APOA4: variants seen among roughly 807,000 people sequenced by gnomAD.
APOA4 encodes apolipoprotein A-IV.
Under a neutral mutation model 33.6 loss-of-function variants are expected in APOA4, and 25 were observed. That is an observed-to-expected ratio of 0.74 (90% CI 0.54 to 1.04). APOA4 has a LOEUF of 1.04. APOA4 is among the 50% of genes least tolerant of loss of function. APOA4 has a pLI of 0.00. For missense variants in APOA4, 549 were observed against 510.4 expected, an observed-to-expected ratio of 1.08 and a Z score of -0.73; for synonymous variants, 228 against 224.0, an observed-to-expected ratio of 1.02 and a Z score of -0.16.
Position 116,821,609 on chromosome 11 carries a change from G to T in APOA4, c.449C>A (p.Ala150Asp). 2 of 1,610,240 alleles carry T rather than the reference G, an allele frequency of 1.2e-6. No individual in the cohort carries two copies. Among genetic ancestry groups the T allele is most frequent in the Non-Finnish European group, 1.7e-6 (2 of 1,178,888 alleles). Residue 150 changes from alanine to aspartate, a missense_variant, in exon 3 of 3, where the codon GCC (alanine) becomes GAC (aspartate). Physicochemically the swap from Ala to Asp is moderately radical, Grantham distance 126. Transcript: ENST00000357780. ...DQLRTQVSTQ[A>D]EQLRRQLTPY... ...GGTCAGCTGGCGCCGCAGCTGCTCG[G>T]CCTGCGTGCTGACCTGGGTGCGCAG...
At position 116,823,259 on chromosome 11, in the gene APOA4, GACAGAGAGGTCCTCAGGAGAGCTC is replaced by G; in HGVS notation, c.-92_-69del. ...GATCCTCCCTACAATCAGGGGAGCT[GACAGAGAGGTCCTCAGGAGAGCTC>G]ACCTGCGCTGCAGTGGGAACTGACT... On this transcript the variant is annotated 5_prime_UTR_variant, in exon 1 of 3. Coordinates refer to ENST00000357780, the MANE Select transcript of APOA4 (RefSeq NM_000482.4). 2.5e-6 allele frequency: 4 copies of G among 1,576,140 alleles called. No homozygotes were observed. In the South Asian group the frequency reaches 4.4e-5, roughly 17 times the overall value.
chr11:116,822,540 G>A (rs373540095), intron 2 of APOA4, 119 bp downstream of exon 2: 10 of 1,465,322 alleles, frequency 6.8e-6, no homozygotes, highest in Non-Finnish European at 7.6e-6. Context: ...CGGCCAGTTA[G>A]TGGCAGGGCA....
intron 1 of APOA4, 39 bp from the exon 2 acceptor site, chr11:116,822,824 C>G (rs1283053707): frequency 1.9e-6 from 3 of 1,612,958 alleles, no homozygotes; most frequent in South Asian, 2.2e-5. Flanking sequence ...GGCCCCGTCT[C>G]CTGTGTGGCC....
At chr11:116,821,914 A>C (rs1052655999) in intron 2 of APOA4, 33 bp from the exon 3 acceptor site, 1 of 1,608,810 alleles carries the variant, frequency 6.2e-7, no homozygotes, top group Non-Finnish European at 8.5e-7. Flanking sequence ...GCCACGTTAC[A>C]TTTGGCATTT....
chr11:116,820,975 T>G lies in APOA4; in HGVS notation c.1083A>C (p.Lys361Asn). ...GGGAGAGAGTCTTGTCCTGGCTCTC[T>G]TTCTCCTTGAAGGTGCTGAAGAAGG... ...VNSFFSTFKE[K>N]ESQDKTLSLP... The change falls in exon 3 of 3, where the codon AAA becomes AAC. Residue 361 changes from lysine (K) to asparagine (N), a missense_variant. Physicochemically the swap from Lys to Asn is moderately conservative, Grantham distance 94. Coordinates refer to ENST00000357780, the MANE Select transcript of APOA4 (RefSeq NM_000482.4). 6.2e-7 allele frequency: 1 copy of G among 1,614,214 alleles called. No homozygotes were observed. Among genetic ancestry groups the G allele is most frequent in the Non-Finnish European group, 8.5e-7 (1 of 1,180,038 alleles).
rs1312269421 is a variant in APOA4, at chr11:116,820,830, G to A, written c.*37C>T. ...ACAGACAGGTGGCAGGGCAGGGCAG[G>A]TGTCCACGAGGGTGGGGCCAGTGCA... is the stretch of plus-strand genomic sequence containing the variant. On this transcript the variant is annotated 3_prime_UTR_variant, in exon 3 of 3. Transcript: ENST00000357780. 6.2e-7 allele frequency: 1 copy of A among 1,606,638 alleles called. No individual in the cohort carries two copies. Among genetic ancestry groups the A allele is most frequent in the Non-Finnish European group, 8.5e-7 (1 of 1,176,260 alleles).
At position 116,821,099 on chromosome 11, in the gene APOA4, T is replaced by C; in HGVS notation, c.959A>G (p.Gln320Arg). 6.2e-7 allele frequency: 1 copy of C among 1,614,108 alleles called. No homozygotes were observed. The highest frequency in any genetic ancestry group is 8.5e-7 in the Non-Finnish European group (1 of 1,180,030). ...TTTCTGCCTGAGCTGTTCCATCTGCTGCACCAGGGCTTTGTTGAAGTTTTC... is the reference window on the plus strand; with the variant it reads ...TTTCTGCCTGAGCTGTTCCATCTGCCGCACCAGGGCTTTGTTGAAGTTTTC... ...YGENFNKALV[Q>R]QMEQLRQKLG... The change falls in exon 3 of 3, where the codon CAG becomes CGG. Residue 320 changes from glutamine to arginine, a missense_variant. Gln to Arg is a conservative substitution (Grantham distance 43). Transcript: ENST00000357780.
Position 116,821,564 on chromosome 11 carries a change from T to C in APOA4, c.494A>G (p.Glu165Gly), listed in dbSNP as rs1255436137. ...GTCGGCGTTCTCCCGCAGCACTCTCTCCATGCGCTGTGCGTAGGGGGTCAG... is the reference window on the plus strand; with the variant it reads ...GTCGGCGTTCTCCCGCAGCACTCTCCCCATGCGCTGTGCGTAGGGGGTCAG... ...RQLTPYAQRM[E>G]RVLRENADSL... The change falls in exon 3 of 3, where the codon GAG becomes GGG. Residue 165 changes from glutamate (E) to glycine (G), a missense_variant. Physicochemically the swap from Glu to Gly is moderately conservative, Grantham distance 98. Transcript: ENST00000357780. The C allele has an allele frequency of 6.2e-7, 1 of 1,611,932 alleles. No homozygotes were observed.
Position 116,821,400 on chromosome 11 carries a change from G to A in APOA4, c.658C>T (p.Arg220Cys), listed in dbSNP as rs375764097. 46 of 1,614,178 alleles carry A rather than the reference G, an allele frequency of 2.8e-5. 1 individual carries two copies. Among genetic ancestry groups the A allele is most frequent in the South Asian group, 1.2e-4 (11 of 91,086 alleles). Reference sequence around the variant, plus strand: ...TGAGCATAGGGAGCCAGGCTGCGGCGCAGCTCCTCCACGGTCTGGTCAATC... The same window carrying A: ...TGAGCATAGGGAGCCAGGCTGCGGCACAGCTCCTCCACGGTCTGGTCAATC... ...VKIDQTVEEL[R>C]RSLAPYAQDT... The change falls in exon 3 of 3, where the codon CGC (arginine) becomes TGC (cysteine). Residue 220 changes from arginine (R) to cysteine (C), a missense_variant. By Grantham distance (180) the Arg-to-Cys change is radical. Coordinates refer to ENST00000357780, the MANE Select transcript of APOA4 (RefSeq NM_000482.4).
chr11:116,822,712 A>G lies in APOA4; in HGVS notation c.123T>C (p.Asn41=). 1 of 1,614,174 alleles carries G rather than the reference A, an allele frequency of 6.2e-7. No individual in the cohort carries two copies. The highest frequency in any genetic ancestry group is 8.5e-7 in the Non-Finnish European group (1 of 1,180,028). ...MWDYFSQLSN[N]AKEAVEHLQK... Reference sequence around the variant, plus strand: ...GGAGATGTTCCACGGCCTCCTTGGCATTGTTGCTCAGCTGGCTGAAGTAGT... The same window carrying G: ...GGAGATGTTCCACGGCCTCCTTGGCGTTGTTGCTCAGCTGGCTGAAGTAGT... The change falls in exon 2 of 3, where the codon AAT becomes AAC. Residue 41 remains asparagine, a synonymous_variant. Coordinates refer to ENST00000357780, the MANE Select transcript of APOA4 (RefSeq NM_000482.4).
rs934388903 is a variant in APOA4, at chr11:116,821,835, C to T, written c.223G>A (p.Asp75Asn). 2 of 1,613,880 alleles carry T rather than the reference C, an allele frequency of 1.2e-6. No individual in the cohort carries two copies. Among genetic ancestry groups the T allele is most frequent in the Admixed American group, 3.3e-5 (2 of 60,010 alleles). The part of the protein sequence containing the change: ...KLGEVNTYAG[D>N]LQKKLVPFAT... Reference sequence around the variant, plus strand: ...AAGGGCACCAGCTTCTTCTGCAGGTCACCTGCGTAAGTGTTCACTTCTCCA... The same window carrying T: ...AAGGGCACCAGCTTCTTCTGCAGGTTACCTGCGTAAGTGTTCACTTCTCCA... The change falls in exon 3 of 3, where the codon GAC becomes AAC. Residue 75 changes from aspartate to asparagine, a missense_variant. By Grantham distance (23) the Asp-to-Asn change is conservative (BLOSUM62 1). Coordinates refer to ENST00000357780, the MANE Select transcript of APOA4 (RefSeq NM_000482.4).
At position 116,823,290 on chromosome 11, in the gene APOA4, G is replaced by A. The variant is rs764379329; in HGVS notation, c.-99C>T. The stretch of plus-strand genomic sequence containing the variant: ...GAGGTCCTCAGGAGAGCTCACCTGC[G>A]CTGCAGTGGGAACTGACTGAAGCTC... On this transcript the variant is annotated 5_prime_UTR_variant, in exon 1 of 3. Transcript: ENST00000357780. 78 of 1,392,778 alleles carry A rather than the reference G, an allele frequency of 5.6e-5. No individual in the cohort carries two copies. Among genetic ancestry groups the A allele is most frequent in the African/African-American group, 4.4e-4 (31 of 70,430 alleles). 86.3% of individuals were successfully genotyped at this position (1,392,778 alleles called of 1,614,324 possible). A position where few individuals can be genotyped will look rare whatever the true frequency, so the allele number is the denominator to read the frequency against.
chr11:116,823,164 G>A lies in APOA4; in HGVS notation c.28C>T (p.Leu10=). The A allele has an allele frequency of 1.9e-6, 3 of 1,614,094 alleles. No homozygotes were observed. Among genetic ancestry groups the A allele is most frequent in the Non-Finnish European group, 2.5e-6 (3 of 1,180,016 alleles). MFLKAVVLT[L]ALVAVAGARA... ...TCACCGGCGACAGCCACCAGGGCCA[G>A]GGTCAGGACCACGGCCTTCAGGAAC... The change falls in exon 1 of 3, where the codon CTG becomes TTG. Residue 10 remains leucine (L), a synonymous_variant. Coordinates refer to ENST00000357780, the MANE Select transcript of APOA4 (RefSeq NM_000482.4).
rs5102 is a variant in APOA4, at chr11:116,821,838, C to T, written c.220G>A (p.Gly74Ser). Residue 74 changes from glycine (G) to serine (S), a missense_variant, in exon 3 of 3, where the codon GGT becomes AGT. Gly to Ser is a moderately conservative substitution (Grantham distance 56, BLOSUM62 0). Transcript: ENST00000357780. The stretch of plus-strand genomic sequence containing the variant: ...GGCACCAGCTTCTTCTGCAGGTCAC[C>T]TGCGTAAGTGTTCACTTCTCCAAGT... ...DKLGEVNTYAGDLQKKLVPFA... is the reference protein window; with the variant it reads ...DKLGEVNTYASDLQKKLVPFA... 3.6e-5 allele frequency: 58 copies of T among 1,614,032 alleles called. No individual in the cohort carries two copies. In the African/African-American group the frequency reaches 7.2e-4, roughly 20 times the overall value.
At chr11:116,822,115 C>A (rs1400438829) in intron 2 of APOA4, among the ~76,000 whole-genome samples, 2 of 152,092 alleles carry the variant, frequency 1.3e-5, no homozygotes, top group African/African-American at 4.8e-5. Context: ...CAGAATCTAC[C>A]CACCATGTCA....
Position 116,821,399 on chromosome 11 carries a change from C to A in APOA4, c.659G>T (p.Arg220Leu). ...CTGAGCATAGGGAGCCAGGCTGCGG[C>A]GCAGCTCCTCCACGGTCTGGTCAAT... ...VKIDQTVEEL[R>L]RSLAPYAQDT... The change falls in exon 3 of 3, where the codon CGC (arginine) becomes CTC (leucine). Residue 220 changes from arginine (R) to leucine (L), a missense_variant. Physicochemically the swap from Arg to Leu is moderately radical, Grantham distance 102. Coordinates refer to ENST00000357780, the MANE Select transcript of APOA4 (RefSeq NM_000482.4). 6.2e-7 allele frequency: 1 copy of A among 1,614,182 alleles called. No homozygotes were observed. Among genetic ancestry groups the A allele is most frequent in the African/African-American group, 1.3e-5 (1 of 75,078 alleles).
chr11:116,823,288 G>C lies in APOA4; in HGVS notation c.-97C>G. On this transcript the variant is annotated 5_prime_UTR_variant, in exon 1 of 3. Coordinates refer to ENST00000357780, the MANE Select transcript of APOA4 (RefSeq NM_000482.4). ...GAGAGGTCCTCAGGAGAGCTCACCT[G>C]CGCTGCAGTGGGAACTGACTGAAGC... 4 of 1,415,328 alleles carry C rather than the reference G, an allele frequency of 2.8e-6. No individual in the cohort carries two copies. Among genetic ancestry groups the C allele is most frequent in the Non-Finnish European group, 4.0e-6 (4 of 999,666 alleles). The allele number at this position is 1,415,328 out of a possible 1,614,324, so 87.7% of individuals were successfully genotyped here.
rs148203811 is a variant in APOA4 at position 116,821,055 on chromosome 11, C to G, written c.1003G>C (p.Asp335His). The G allele has an allele frequency of 1.5e-5, 24 of 1,614,212 alleles. No individual in the cohort carries two copies. The highest frequency in any genetic ancestry group is 1.9e-5 in the Non-Finnish European group (22 of 1,180,040). Residue 335 changes from aspartate (D) to histidine (H), a missense_variant, in exon 3 of 3, where the codon GAC (aspartate) becomes CAC (histidine). Transcript: ENST00000357780. ...AGGAAGCTCAAGTGGCCTTCCACGT[C>G]CCCCGCATGGGGGCCCAGTTTCTGC... ...LRQKLGPHAG[D>H]VEGHLSFLEK...
chr11:116,821,506 G>A lies in APOA4; in HGVS notation c.552C>T (p.Asp184=), dbSNP rs772070995. The change falls in exon 3 of 3, where the codon GAC becomes GAT. Residue 184 remains aspartate, a synonymous_variant. Coordinates refer to ENST00000357780, the MANE Select transcript of APOA4 (RefSeq NM_000482.4). ...TCTGGTCGATCTTGGCCTTGAGCTC[G>A]TCGGCGTGGGGCCTCAGCGAGGCCT... ...SLQASLRPHA[D]ELKAKIDQNV... The A allele has an allele frequency of 1.5e-5, 24 of 1,613,944 alleles. No homozygotes were observed. The highest frequency in any genetic ancestry group is 6.6e-5 in the South Asian group (6 of 91,086).
Sources: allele counts gnomAD v4.1 joint callset (sites outside exome capture counted in the v4.1 genomes callset), GRCh38; gene constraint gnomAD v4.1.1; transcripts MANE v1.5; gene names NCBI Gene and HGNC (gene_info 2026-07-23, HGNC 2026-07-21).